Variants in ACBD6 observed in about 807,000 individuals in gnomAD.
The protein encoded by ACBD6 is acyl-CoA-binding domain-containing protein 6.
Under a neutral mutation model 37.2 loss-of-function variants are expected in ACBD6, and 28 were observed. The ratio of observed to expected loss-of-function variants is 0.75; its 90% CI spans 0.56 to 1.03. The LOEUF (loss-of-function observed/expected upper bound fraction) is 1.03, where lower values mean the gene tolerates loss of function less well. Ranked by LOEUF, ACBD6 falls within the 50% of genes least tolerant of loss-of-function variation. ACBD6 has a pLI of 0.00. For missense variants in ACBD6, 340 were observed against 337.4 expected, an observed-to-expected ratio of 1.01 and a Z score of -0.06; for synonymous variants, 113 against 126.8, an observed-to-expected ratio of 0.89 and a Z score of 0.73.
chr1:180,463,488 TC>T (rs1650228307), intron 3 of ACBD6, among the ~76,000 whole-genome samples: 1 of 151,728 alleles, frequency 6.6e-6, no homozygotes. Flanking sequence ...ACATATACTC[TC>T]CCCAGAATGA....
At chr1:180,289,746 A>T (rs1649629260) in intron 7 of ACBD6, among the ~76,000 whole-genome samples, 2 of 152,214 alleles carry the variant, frequency 1.3e-5, no homozygotes, top group Admixed American at 1.3e-4. Flanking sequence ...GAAACTAATG[A>T]ACTATAGCTT....
chr1:180,308,168 T>C lies in ACBD6; in HGVS notation c.694+6524A>G, dbSNP rs570290569. Among the ~76,000 whole-genome samples, 10 of 152,378 alleles carry C rather than the reference T, an allele frequency of 6.6e-5. No individual in the cohort carries two copies. The East Asian group carries it at 1.7e-3, about 26-fold the overall frequency. ...TTTTTTAATTTACATAAGTTCTATT[T>C]GGTTCTCTTCCAAATCTGCCTGTTC... is the stretch of plus-strand genomic sequence containing the variant. On this transcript the variant is annotated intron_variant, in intron 7 of 7. Transcript: ENST00000367595.
rs567558984 is a variant in ACBD6, at chr1:180,442,636, CTGTTCTTTTTT to C, written c.385-12385_385-12375del. On this transcript the variant is annotated intron_variant, in intron 3 of 7. Coordinates refer to ENST00000367595, the MANE Select transcript of ACBD6 (RefSeq NM_032360.4). ...TATTTTCCCACAGCTCATTGAAGTTCTGTTCTTTTTTTGTTCAGTCTTTTTATGCTCTGTGC... is the reference window on the plus strand; with the variant it reads ...TATTTTCCCACAGCTCATTGAAGTTCTGTTCAGTCTTTTTATGCTCTGTGC... Among the ~76,000 whole-genome samples, 3 of 152,188 alleles carry C rather than the reference CTGTTCTTTTTT, an allele frequency of 2.0e-5. No individual in the cohort carries two copies. The South Asian group carries it at 6.2e-4, about 32-fold the overall frequency.
intron 7 of ACBD6, among the ~76,000 whole-genome samples, chr1:180,307,378 G>A (rs1209389107): frequency 6.6e-6 from 1 of 152,128 alleles, no homozygotes; most frequent in African/African-American, 2.4e-5. Flanking sequence ...AGGGACATGA[G>A]GGCGGAAATG....
chr1:180,387,364 C>T (rs887141176), intron 6 of ACBD6, among the ~76,000 whole-genome samples: 10 of 152,180 alleles, frequency 6.6e-5, no homozygotes, highest in Non-Finnish European at 1.5e-4. Context: ...AGAAGTACTA[C>T]CTTATTATTG....
intron 9 of ACBD6, among the ~76,000 whole-genome samples, chr1:180,280,603 G>A (rs537464248): frequency 2.4e-4 from 37 of 152,314 alleles, no homozygotes; most frequent in African/African-American, 8.7e-4. Flanking sequence ...TGCTATCAAG[G>A]AGAGTCATGA....
chr1:180,400,892 A>G (rs1571458984), intron 5 of ACBD6, among the ~76,000 whole-genome samples: 1 of 152,310 alleles, frequency 6.6e-6, no homozygotes, highest in East Asian at 1.9e-4. Context: ...AAGGAAAACC[A>G]TGACTTAGGT....
At chr1:180,487,131 T>C (rs1484293018) in intron 3 of ACBD6, among the ~76,000 whole-genome samples, 1 of 152,130 alleles carries the variant, frequency 6.6e-6, no homozygotes, top group Non-Finnish European at 1.5e-5. Flanking sequence ...TGAAGAATAA[T>C]TATGAAGGGC....
chr1:180,491,982 G>A (rs937832639), intron 3 of ACBD6, among the ~76,000 whole-genome samples: 2 of 151,896 alleles, frequency 1.3e-5, no homozygotes, highest in Non-Finnish European at 2.9e-5. Context: ...GCTAATTTTT[G>A]TATTTTTAGT....
chr1:180,283,914 C>A (rs760311251), downstream of ACBD6, among the ~76,000 whole-genome samples: 6 of 151,682 alleles, frequency 4.0e-5, no homozygotes. Flanking sequence ...GCAAACATTC[C>A]AAAATTAAAA....
At chr1:180,484,336 T>C (rs1033338041) in intron 3 of ACBD6, among the ~76,000 whole-genome samples, 1 of 152,226 alleles carries the variant, frequency 6.6e-6, no homozygotes, top group Non-Finnish European at 1.5e-5. Flanking sequence ...TCACTATACA[T>C]AAATTTTGCC....
chr1:180,287,578 C>CTAT (rs1649545787), downstream of ACBD6, among the ~76,000 whole-genome samples: 1 of 71,570 alleles, frequency 1.4e-5, no homozygotes, highest in Non-Finnish European at 2.8e-5. Context: ...CAGATCTAAG[C>CTAT]TTTTTTTTTT....
intron 6 of ACBD6, among the ~76,000 whole-genome samples, chr1:180,377,488 T>C (rs943880813): frequency 6.6e-6 from 1 of 151,924 alleles, no homozygotes; most frequent in African/African-American, 2.4e-5. Flanking sequence ...AGGACTAGAG[T>C]AGGGAAAATA....
intron 6 of ACBD6, among the ~76,000 whole-genome samples, chr1:180,395,508 T>A (rs1408254798): frequency 6.6e-6 from 1 of 152,128 alleles, no homozygotes; most frequent in Non-Finnish European, 1.5e-5. Context: ...AGAACCTAAG[T>A]GTAAAAAGAC....
At chr1:180,382,776 C>G (rs1653706392) in intron 6 of ACBD6, among the ~76,000 whole-genome samples, 1 of 152,252 alleles carries the variant, frequency 6.6e-6, no homozygotes, top group East Asian at 1.9e-4. Flanking sequence ...AGGCCAATAT[C>G]CCTGATGAAC....
chr1:180,457,867 A>T (rs1649985344), intron 3 of ACBD6, among the ~76,000 whole-genome samples: 2 of 148,806 alleles, frequency 1.3e-5, no homozygotes, highest in South Asian at 4.2e-4. Context: ...ATCTCAGCTC[A>T]CTGCAACATT....
At chr1:180,398,059 TACAACAACAACAACAACA>T (rs10583778) in intron 5 of ACBD6, among the ~76,000 whole-genome samples, 1 of 149,268 alleles carries the variant, frequency 6.7e-6, no homozygotes, top group Non-Finnish European at 1.5e-5. Flanking sequence ...TCTCAAAAAC[TACAACAACAACAACAACA>T]ACAACAACAA....
At chr1:180,435,663 G>C in intron 3 of ACBD6, 1 of 955,656 alleles carries the variant, frequency 1.0e-6, no homozygotes, top group Non-Finnish European at 1.7e-6. Context: ...ACAGAGTTTG[G>C]CAGCTCCATT....
At chr1:180,282,980 T>G (rs1367251846) in intron 8 of ACBD6, among the ~76,000 whole-genome samples, 1 of 133,302 alleles carries the variant, frequency 7.5e-6, no homozygotes, top group Non-Finnish European at 1.5e-5. Flanking sequence ...CTGTTTTTTT[T>G]TTTTTTTTTT....
Sources: allele counts gnomAD v4.1 joint callset (sites outside exome capture counted in the v4.1 genomes callset), GRCh38; gene constraint gnomAD v4.1.1; transcripts MANE v1.5; gene names NCBI Gene and HGNC (gene_info 2026-07-23, HGNC 2026-07-21).